FKBP9: variants seen among roughly 807,000 people sequenced by gnomAD.
The protein encoded by FKBP9 is FKBP prolyl isomerase 9.
FKBP9 carries 27 observed loss-of-function variants against 55.6 expected under a neutral mutation model. That is an observed-to-expected ratio of 0.49 (90% CI 0.36 to 0.67). FKBP9 has a LOEUF of 0.67. Ranked by LOEUF, FKBP9 falls within the 30% of genes least tolerant of loss-of-function variation. FKBP9 has a pLI of 0.00. For synonymous variants in FKBP9, 267 were observed against 296.5 expected (o/e 0.90, Z 1.02); for missense variants, 539 against 742.8 (o/e 0.73, Z 3.19).
chr7:32,997,069 C>T, intron 7 of FKBP9, among the ~76,000 whole-genome samples: 1 of 151,964 alleles, frequency 6.6e-6, no homozygotes, highest in Non-Finnish European at 1.5e-5. Context: ...GCTGGGATTA[C>T]AGGCGTGAGC....
intron 5 of FKBP9, among the ~76,000 whole-genome samples, chr7:32,983,118 G>C (rs1438655314): frequency 6.6e-6 from 1 of 151,744 alleles, no homozygotes; most frequent in Non-Finnish European, 1.5e-5. Context: ...CCGTCTCGTG[G>C]GTTCAAGCGA....
At chr7:32,982,041 G>C (rs1296708058) in intron 5 of FKBP9, among the ~76,000 whole-genome samples, 1 of 129,804 alleles carries the variant, frequency 7.7e-6, no homozygotes, top group Non-Finnish European at 1.6e-5. Context: ...TTTTTTTTGA[G>C]GCAGAGTCTC....
intron 8 of FKBP9, among the ~76,000 whole-genome samples, 181 bp from the exon 9 acceptor site, chr7:33,002,495 C>T (rs1444537152): frequency 1.3e-5 from 2 of 152,202 alleles, no homozygotes; most frequent in Non-Finnish European, 2.9e-5. Flanking sequence ...AAACTGATTT[C>T]GTGAGTCATT....
At chr7:32,960,010 C>T (rs1356983999) in intron 1 of FKBP9, among the ~76,000 whole-genome samples, 1 of 151,926 alleles carries the variant, frequency 6.6e-6, no homozygotes, top group Non-Finnish European at 1.5e-5. Context: ...GAAGAATAGC[C>T]AACCTGTTTC....
At chr7:32,959,615 C>T (rs547923741) in intron 1 of FKBP9, among the ~76,000 whole-genome samples, 1 of 152,294 alleles carries the variant, frequency 6.6e-6, no homozygotes, top group African/African-American at 2.4e-5. Flanking sequence ...CTCCCCAACC[C>T]CAGTTAGACT....
chr7:32,985,463 ACC>A (rs200952093), intron 5 of FKBP9, among the ~76,000 whole-genome samples: 9,868 of 151,600 alleles, frequency 0.065, 433 homozygotes, highest in East Asian at 0.21. Context: ...TACAGGTGTA[ACC>A]CACTGCCCCT....
chr7:32,962,537 A>C (rs1171997951), intron 1 of FKBP9, among the ~76,000 whole-genome samples: 4 of 151,962 alleles, frequency 2.6e-5, no homozygotes, highest in African/African-American at 9.7e-5. Context: ...GCAGTGATGC[A>C]GTCTCACATC....
intron 4 of FKBP9, among the ~76,000 whole-genome samples, chr7:32,977,888 TATACACTC>T (rs1784395981): frequency 7.0e-6 from 1 of 142,572 alleles, no homozygotes; most frequent in South Asian, 2.2e-4. Context: ...TATATGTATA[TATACACTC>T]ATATATATAT....
At chr7:32,973,692 T>TCG in intron 1 of FKBP9, among the ~76,000 whole-genome samples, 1 of 111,950 alleles carries the variant, frequency 8.9e-6, no homozygotes, top group African/African-American at 3.4e-5. Flanking sequence ...GTTTTTTTTT[T>TCG]TTTTTTTTTT....
intron 1 of FKBP9, among the ~76,000 whole-genome samples, chr7:32,973,606 T>TGTGTGTG (rs1583847771): frequency 2.7e-5 from 4 of 146,750 alleles, no homozygotes; most frequent in East Asian, 2.0e-4. Context: ...TGTGTGTGTG[T>TGTGTGTG]TAACTTTGGC....
intron 4 of FKBP9, among the ~76,000 whole-genome samples, chr7:32,978,622 C>A (rs367640583): frequency 2.0e-5 from 3 of 151,502 alleles, no homozygotes; most frequent in Non-Finnish European, 2.9e-5. Flanking sequence ...CCTCCCAAAG[C>A]GCTGGGATTA....
At chr7:32,973,908 T>A (rs1331434260) in intron 1 of FKBP9, among the ~76,000 whole-genome samples, 5 of 149,440 alleles carry the variant, frequency 3.3e-5, no homozygotes, top group African/African-American at 9.9e-5. Flanking sequence ...GCCAGGCTGG[T>A]TTCAAACTGC....
intron 5 of FKBP9, among the ~76,000 whole-genome samples, chr7:32,982,866 T>A (rs1318277280): frequency 6.6e-6 from 1 of 152,254 alleles, no homozygotes; most frequent in Non-Finnish European, 1.5e-5. Flanking sequence ...TTGTCCTGTA[T>A]GTTTCCTGTA....
chr7:32,974,122 G>A (rs958242081), intron 1 of FKBP9, among the ~76,000 whole-genome samples: 3 of 151,512 alleles, frequency 2.0e-5, no homozygotes, highest in African/African-American at 7.3e-5. Flanking sequence ...TCCTACCTCA[G>A]CTTCCAAAGT....
At chr7:33,003,353 C>T (rs564691125) in intron 9 of FKBP9, among the ~76,000 whole-genome samples, 99 of 152,334 alleles carry the variant, frequency 6.5e-4, no homozygotes, top group African/African-American at 2.3e-3. Flanking sequence ...GCACATCCTC[C>T]AGCCTTTTCC....
intron 6 of FKBP9, 68 bp from the exon 7 acceptor site, chr7:32,996,095 A>T: frequency 6.9e-7 from 1 of 1,458,970 alleles, no homozygotes. Flanking sequence ...ATACCTGGTG[A>T]CACTGGGGAG....
At chr7:32,999,852 G>T (rs547103012) in intron 7 of FKBP9, among the ~76,000 whole-genome samples, 1 of 152,148 alleles carries the variant, frequency 6.6e-6, no homozygotes, top group Admixed American at 6.5e-5. Flanking sequence ...AAGCAAAAAG[G>T]ACCCCATTCC....
chr7:32,959,446 C>T (rs1475438911), intron 1 of FKBP9, among the ~76,000 whole-genome samples: 1 of 151,986 alleles, frequency 6.6e-6, no homozygotes, highest in Non-Finnish European at 1.5e-5. Context: ...ACAAAAAAAA[C>T]AGCTTTATTG....
chr7:32,969,144 C>A (rs910512657), intron 1 of FKBP9, among the ~76,000 whole-genome samples: 31 of 151,894 alleles, frequency 2.0e-4, no homozygotes, highest in African/African-American at 7.0e-4. Context: ...AGATATTAAT[C>A]CCTTATCATA....
Sources: allele counts gnomAD v4.1 joint callset (sites outside exome capture counted in the v4.1 genomes callset), GRCh38; gene constraint gnomAD v4.1.1; transcripts MANE v1.5; gene names NCBI Gene and HGNC (gene_info 2026-07-23, HGNC 2026-07-21).